CCDC138: variants seen among roughly 807,000 people sequenced by gnomAD.
CCDC138 encodes coiled-coil domain-containing protein 138.
In CCDC138, 66 loss-of-function variants were observed where a neutral mutation model predicts 82.3. The observed-to-expected ratio is 0.80, with a 90% confidence interval of 0.66 to 0.98. CCDC138 has a LOEUF of 0.98. Ranked by LOEUF, CCDC138 falls within the 50% of genes least tolerant of loss-of-function variation. CCDC138 has a pLI of 0.00. For missense variants in CCDC138, 816 were observed against 758.9 expected (o/e 1.08, Z -0.88); for synonymous variants, 297 against 265.4 (o/e 1.12, Z -1.16).
At chr2:108,821,152 G>A (rs1189915057) in intron 10 of CCDC138, among the ~76,000 whole-genome samples, 1 of 152,184 alleles carries the variant, frequency 6.6e-6, no homozygotes, top group African/African-American at 2.4e-5. Flanking sequence ...GAGGTCAGGA[G>A]TTTGAGACCA....
chr2:108,806,976 A>C (rs1022677919), intron 7 of CCDC138, among the ~76,000 whole-genome samples: 2 of 152,172 alleles, frequency 1.3e-5, no homozygotes, highest in African/African-American at 4.8e-5. Context: ...AACTTTCCTA[A>C]ACTGAAACCT....
chr2:108,815,486 A>C lies in CCDC138; in HGVS notation c.1042-455A>C, dbSNP rs898800813. Among the ~76,000 whole-genome samples the C allele has an allele frequency of 2.4e-4, 4 of 16,714 alleles. No individual in the cohort carries two copies. In the South Asian group the frequency reaches 5.0e-3, roughly 21 times the overall value. The allele number at this position is 16,714 out of a possible 152,430, so 11.0% of individuals were successfully genotyped here. On this transcript the variant is annotated intron_variant, in intron 9 of 14. Transcript: ENST00000295124. ...GTTTTTTTTTTTTTTTTTTTTTTTG[A>C]GATGGAGTCTTGCTCTTTTGCCCAG...
At chr2:108,866,148 T>G (rs1382237786) in intron 13 of CCDC138, among the ~76,000 whole-genome samples, 2 of 152,122 alleles carry the variant, frequency 1.3e-5, no homozygotes, top group Admixed American at 6.5e-5. Context: ...GAAAGGGAAT[T>G]TGGCCATGGG....
chr2:108,808,422 T>G (rs1292167678), intron 7 of CCDC138, among the ~76,000 whole-genome samples: 3 of 152,206 alleles, frequency 2.0e-5, no homozygotes, highest in Admixed American at 6.5e-5. Context: ...TTCGTTTTTT[T>G]GGGAACCTGA....
chr2:108,865,311 A>G (rs1390256550), intron 13 of CCDC138, among the ~76,000 whole-genome samples: 1 of 152,202 alleles, frequency 6.6e-6, no homozygotes, highest in Admixed American at 6.5e-5. Flanking sequence ...AACCGTATAC[A>G]AAACTTAAGT....
chr2:108,832,344 C>A (rs867913926), intron 10 of CCDC138, among the ~76,000 whole-genome samples: 1 of 122,238 alleles, frequency 8.2e-6, no homozygotes, highest in African/African-American at 3.3e-5. Flanking sequence ...GTATTTCTTT[C>A]TTTTTTTTTT....
chr2:108,798,667 A>AT (rs1206146855), intron 6 of CCDC138, 81 bp downstream of exon 6: 2 of 1,091,504 alleles, frequency 1.8e-6, no homozygotes, highest in Non-Finnish European at 2.7e-6. Context: ...ATTTTGTCAC[A>AT]TTTGCTTATT....
intron 10 of CCDC138, among the ~76,000 whole-genome samples, chr2:108,835,789 G>T (rs1688479671): frequency 6.6e-6 from 1 of 152,174 alleles, no homozygotes; most frequent in Non-Finnish European, 1.5e-5. Context: ...TCTGTTTTGT[G>T]CTGTTACAAC....
chr2:108,811,129 T>A (rs2149802661), intron 7 of CCDC138, among the ~76,000 whole-genome samples: 1 of 151,260 alleles, frequency 6.6e-6, no homozygotes, highest in South Asian at 2.1e-4. Context: ...CTTTCCTTCT[T>A]CCCTTCTTCC....
chr2:108,830,792 G>A (rs981998543), intron 10 of CCDC138, among the ~76,000 whole-genome samples: 3 of 151,056 alleles, frequency 2.0e-5, no homozygotes, highest in South Asian at 2.1e-4. Flanking sequence ...TGGGCAACAA[G>A]AGCAAAACTC....
chr2:108,807,014 A>C (rs1464533118), intron 7 of CCDC138, among the ~76,000 whole-genome samples: 1 of 152,212 alleles, frequency 6.6e-6, no homozygotes, highest in African/African-American at 2.4e-5. Flanking sequence ...GTTCCTGATC[A>C]GATTAAGGTG....
intron 7 of CCDC138, among the ~76,000 whole-genome samples, chr2:108,808,560 A>G (rs1231718838): frequency 6.6e-6 from 1 of 152,046 alleles, no homozygotes; most frequent in African/African-American, 2.4e-5. Flanking sequence ...TCTAACTGGG[A>G]TGAGATTGAT....
At chr2:108,843,876 G>GTGTGTGTGTGTGTGTT (rs1187530203) in intron 11 of CCDC138, among the ~76,000 whole-genome samples, 447 of 13,818 alleles carry the variant, frequency 0.032, 1 homozygote, top group Middle Eastern at 0.25. Context: ...GTGTGTGTGT[G>GTGTGTGTGTGTGTGTT]TGTTTCTTTC....
At chr2:108,868,098 T>C (rs1694701491) in intron 13 of CCDC138, among the ~76,000 whole-genome samples, 1 of 152,228 alleles carries the variant, frequency 6.6e-6, no homozygotes, top group African/African-American at 2.4e-5. Context: ...TGCTAACTTG[T>C]TGACAGCATG....
At chr2:108,862,201 AAAAAC>A (rs1693752595) in intron 13 of CCDC138, among the ~76,000 whole-genome samples, 3 of 152,056 alleles carry the variant, frequency 2.0e-5, no homozygotes, top group African/African-American at 7.2e-5. Flanking sequence ...CACTTAAAAA[AAAAAC>A]AAAACAGGAA....
intron 10 of CCDC138, among the ~76,000 whole-genome samples, chr2:108,829,348 A>G (rs115909827): frequency 0.022 from 3,307 of 152,338 alleles, 114 homozygotes; most frequent in African/African-American, 0.076. Context: ...CTATTTCTCC[A>G]AAGATAAAGA....
chr2:108,799,409 A>G (rs1395728242), intron 6 of CCDC138, among the ~76,000 whole-genome samples: 5 of 152,214 alleles, frequency 3.3e-5, no homozygotes, highest in African/African-American at 4.8e-5. Flanking sequence ...CAAGATCAAG[A>G]GTAGTTCAGC....
Position 108,786,800 on chromosome 2 carries a change from G to C in CCDC138, c.-23G>C, listed in dbSNP as rs1558952353. The C allele has an allele frequency of 5.1e-6, 8 of 1,572,668 alleles. No homozygotes were observed. In the South Asian group the frequency reaches 8.1e-5, roughly 16 times the overall value. ...GTTTGATGAACGCGGTTCCCGGGGAGACTGGTACGGTTGCTGTGTGCTATG... is the reference window on the plus strand; with the variant it reads ...GTTTGATGAACGCGGTTCCCGGGGACACTGGTACGGTTGCTGTGTGCTATG... On this transcript the variant is annotated 5_prime_UTR_variant, in exon 1 of 15. Coordinates refer to ENST00000295124, the MANE Select transcript of CCDC138 (RefSeq NM_144978.3).
At position 108,812,627 on chromosome 2, in the gene CCDC138, T is replaced by G. The variant is rs373179275; in HGVS notation, c.856-4T>G. 26 of 1,607,900 alleles carry G rather than the reference T, an allele frequency of 1.6e-5. 1 individual carries two copies. The highest frequency in any genetic ancestry group is 1.5e-4 in the African/African-American group (11 of 74,804). ...TGAAATATCTAACTTTTTCTACCCTTTAGTTAAATGAAGCAAGTGAAGAAA... is the reference window on the plus strand; with the variant it reads ...TGAAATATCTAACTTTTTCTACCCTGTAGTTAAATGAAGCAAGTGAAGAAA... On this transcript the variant is annotated splice_polypyrimidine_tract_variant and splice_region_variant and intron_variant, in intron 7 of 14. Coordinates refer to ENST00000295124, the MANE Select transcript of CCDC138 (RefSeq NM_144978.3).
Sources: allele counts gnomAD v4.1 joint callset (sites outside exome capture counted in the v4.1 genomes callset), GRCh38; gene constraint gnomAD v4.1.1; transcripts MANE v1.5; gene names NCBI Gene and HGNC (gene_info 2026-07-23, HGNC 2026-07-21).